The following SLC25A26 variants were observed in gnomAD, a reference collection of about 807,000 sequenced individuals.
SLC25A26 encodes solute carrier family 25 member 26, also known as mitochondrial S-adenosylmethionine carrier protein.
Under a neutral mutation model 37.8 loss-of-function variants are expected in SLC25A26, and 36 were observed. The ratio of observed to expected loss-of-function variants is 0.95; its 90% CI spans 0.73 to 1.26. The LOEUF (loss-of-function observed/expected upper bound fraction) is 1.26. Among genes scored for constraint, SLC25A26 ranks in the 50% most tolerant of loss-of-function variants. The pLI, the probability that SLC25A26 is intolerant of heterozygous loss-of-function variation, is 0.00. For synonymous variants in SLC25A26, 129 were observed against 122.5 expected, an observed-to-expected ratio of 1.05 and a Z score of -0.35; for missense variants, 390 against 331.1, an observed-to-expected ratio of 1.18 and a Z score of -1.38.
chr3:66,329,391 G>T (rs1175256875), intron 5 of SLC25A26, among the ~76,000 whole-genome samples: 2 of 152,056 alleles, frequency 1.3e-5, no homozygotes, highest in Non-Finnish European at 2.9e-5. Flanking sequence ...CTTGTAAGTG[G>T]TACTGAATTG....
At chr3:66,330,122 C>G (rs1019675325) in intron 5 of SLC25A26, among the ~76,000 whole-genome samples, 3 of 152,046 alleles carry the variant, frequency 2.0e-5, no homozygotes, top group African/African-American at 7.2e-5. Context: ...GTAAGTTAGC[C>G]TGGCAGATAG....
intron 3 of SLC25A26, among the ~76,000 whole-genome samples, chr3:66,254,723 G>A (rs557715064): frequency 5.4e-4 from 82 of 152,334 alleles, no homozygotes; most frequent in African/African-American, 1.9e-3. Flanking sequence ...CTGACCTTCA[G>A]CAACTTCTAT....
At chr3:66,140,963 T>C (rs1307595201) in intron 1 of SLC25A26, among the ~76,000 whole-genome samples, 4 of 152,190 alleles carry the variant, frequency 2.6e-5, no homozygotes, top group African/African-American at 9.6e-5. Flanking sequence ...GTTACTGTGG[T>C]GGTGCCACCA....
intron 1 of SLC25A26, among the ~76,000 whole-genome samples, chr3:66,150,016 G>C (rs78214365): frequency 1.6e-4 from 24 of 152,210 alleles, no homozygotes; most frequent in African/African-American, 5.1e-4. Flanking sequence ...GTGACCAAAC[G>C]TGGGGCTTTT....
chr3:66,262,112 C>T lies in SLC25A26; in HGVS notation c.362C>T (p.Ser121Phe), dbSNP rs2107283343. 2 of 1,583,782 alleles carry T rather than the reference C, an allele frequency of 1.3e-6. No individual in the cohort carries two copies. The highest frequency in any genetic ancestry group is 1.7e-6 in the Non-Finnish European group (2 of 1,163,890). Reference sequence around the variant, plus strand: ...AAGCAGAGGGCACAGGTATCTGCTTCTACAAGAACATTTCAGATTTTCTCT... The same window carrying T: ...AAGCAGAGGGCACAGGTATCTGCTTTTACAAGAACATTTCAGATTTTCTCT... ...VVKQRAQVSASTRTFQIFSNI... is the reference protein window; with the variant it reads ...VVKQRAQVSAFTRTFQIFSNI... The change falls in exon 4 of 10, where the codon TCT (serine) becomes TTT (phenylalanine). Residue 121 changes from serine to phenylalanine, a missense_variant. Transcript: ENST00000354883.
At chr3:66,206,902 T>TG (rs2071186896) in intron 1 of SLC25A26, among the ~76,000 whole-genome samples, 1 of 149,946 alleles carries the variant, frequency 6.7e-6, no homozygotes. Flanking sequence ...TTCTTTTTTT[T>TG]TTTTTTTTTT....
chr3:66,146,255 G>T (rs751362330), intron 1 of SLC25A26, among the ~76,000 whole-genome samples: 3 of 151,494 alleles, frequency 2.0e-5, no homozygotes, highest in Non-Finnish European at 2.9e-5. Context: ...CAGGAGAATC[G>T]CTTGAACCCG....
At chr3:66,193,629 G>C (rs2070987364) in intron 1 of SLC25A26, among the ~76,000 whole-genome samples, 1 of 151,554 alleles carries the variant, frequency 6.6e-6, no homozygotes, top group Non-Finnish European at 1.5e-5. Context: ...ATTCAGAATT[G>C]TTTAGAAACA....
intron 1 of SLC25A26, among the ~76,000 whole-genome samples, chr3:66,214,041 T>C (rs1296511106): frequency 2.0e-5 from 3 of 152,228 alleles, no homozygotes; most frequent in Admixed American, 2.0e-4. Context: ...AGTTTACGGT[T>C]TGATATGGTC....
intron 3 of SLC25A26, among the ~76,000 whole-genome samples, chr3:66,248,183 A>G (rs1452327176): frequency 1.3e-5 from 2 of 152,270 alleles, no homozygotes; most frequent in Non-Finnish European, 2.9e-5. Context: ...CCCTGTAGCA[A>G]CAGCTTGATT....
chr3:66,374,347 A>G (rs951878946), intron 9 of SLC25A26, among the ~76,000 whole-genome samples: 1 of 152,098 alleles, frequency 6.6e-6, no homozygotes, highest in Non-Finnish European at 1.5e-5. Flanking sequence ...GTGATCTGTG[A>G]TCAGCCGTCT....
intron 5 of SLC25A26, among the ~76,000 whole-genome samples, chr3:66,340,146 G>C (rs752217406): frequency 6.6e-6 from 1 of 151,952 alleles, no homozygotes; most frequent in Non-Finnish European, 1.5e-5. Context: ...CACCCTTTTC[G>C]AAGATTGTTT....
In SLC25A26 at chr3:66,221,048, G is replaced by T; in HGVS notation, c.-47G>T. The stretch of plus-strand genomic sequence containing the variant: ...CGCCCAGCGCGCGAGGACGTGATCC[G>T]CTTCTGCTCCGGCTTGGATTGTAGC... On this transcript the variant is annotated 5_prime_UTR_variant, in exon 1 of 10. Coordinates refer to ENST00000354883, the MANE Select transcript of SLC25A26 (RefSeq NM_001379210.1). 6.5e-7 allele frequency: 1 copy of T among 1,534,498 alleles called. No homozygotes were observed. The highest frequency in any genetic ancestry group is 1.2e-5 in the South Asian group (1 of 84,014).
rs1201810316 is a variant in SLC25A26 at position 66,236,578 on chromosome 3, T to C, written c.68T>C (p.Ile23Thr). The C allele has an allele frequency of 1.3e-6, 2 of 1,494,164 alleles. No individual in the cohort carries two copies. The highest frequency in any genetic ancestry group is 2.0e-5 in the Admixed American group (1 of 50,620). The allele number at this position is 1,494,164 out of a possible 1,614,324, so 92.6% of individuals were successfully genotyped here. A position where few individuals can be genotyped will look rare whatever the true frequency, so the allele number is the denominator to read the frequency against. The change falls in exon 2 of 10, where the codon ATA becomes ACA. Residue 23 changes from isoleucine to threonine, a missense_variant. Transcript: ENST00000354883. ...GGVAGVSVDL[I>T]LFPLDTIKTR... ...GTAGCAGGTGTTTCTGTTGACTTGA[T>C]ATTATTTCCTCTGGATACCATTAAA...
At position 66,341,505 on chromosome 3, in the gene SLC25A26, T is replaced by A. The variant is rs530943738; in HGVS notation, c.454-4859T>A. Among the ~76,000 whole-genome samples the A allele has an allele frequency of 2.2e-4, 34 of 152,254 alleles. 1 individual carries two copies. The South Asian group carries it at 6.2e-3, about 28-fold the overall frequency. ...TTCTGTAGAATGTGGAAAAAGAAAA[T>A]CTAATCATTACCTTCAGTGATAGCA... is the stretch of plus-strand genomic sequence containing the variant. On this transcript the variant is annotated intron_variant, in intron 5 of 9. Transcript: ENST00000354883.
intron 1 of SLC25A26, among the ~76,000 whole-genome samples, chr3:66,170,072 C>T (rs1249982574): frequency 2.6e-5 from 4 of 152,170 alleles, no homozygotes; most frequent in Admixed American, 6.5e-5. Context: ...TTTGCAAGCT[C>T]GGGCACCCTG....
At chr3:66,209,091 T>TAC (rs1491264932) in intron 1 of SLC25A26, among the ~76,000 whole-genome samples, 1 of 20,718 alleles carries the variant, frequency 4.8e-5, no homozygotes, top group African/African-American at 4.0e-4. Context: ...TATAAAGATG[T>TAC]ATATATATAT....
intron 5 of SLC25A26, among the ~76,000 whole-genome samples, chr3:66,333,892 C>T (rs1159350899): frequency 6.6e-6 from 1 of 152,172 alleles, no homozygotes; most frequent in Non-Finnish European, 1.5e-5. Flanking sequence ...ACAGAGAGTG[C>T]AAGTCTTCGC....
intron 5 of SLC25A26, among the ~76,000 whole-genome samples, chr3:66,338,495 T>C (rs758706013): frequency 3.9e-5 from 6 of 152,004 alleles, no homozygotes; most frequent in East Asian, 1.9e-4. Flanking sequence ...CAGCACCTCA[T>C]TGCGGCTTCT....
Sources: gnomAD v4.1 joint callset for allele counts (sites outside exome capture counted in the v4.1 genomes callset) on GRCh38, gnomAD v4.1.1 for gene constraint, MANE v1.5 for transcripts, NCBI Gene and HGNC (gene_info 2026-07-23, HGNC 2026-07-21) for gene names.